The following VPS13B variants were observed in gnomAD, a reference collection of about 807,000 sequenced individuals.
VPS13B encodes vacuolar protein sorting 13 homolog B, also known as intermembrane lipid transfer protein VPS13B.
A neutral mutation model predicts 426.4 loss-of-function variants in VPS13B; 285 were observed. That is an observed-to-expected ratio of 0.67 (90% CI 0.61 to 0.74). The LOEUF is 0.74. VPS13B is among the 30% of genes least tolerant of loss of function. VPS13B has a pLI of 0.00. For synonymous variants in VPS13B, 1,676 were observed against 1,676.4 expected (o/e 1.00, Z 0.01); for missense variants, 4,537 against 4,782.6 (o/e 0.95, Z 1.51).
chr8:99,594,186 C>T (rs1826869036), intron 33 of VPS13B, among the ~76,000 whole-genome samples: 3 of 151,574 alleles, frequency 2.0e-5, no homozygotes, highest in Admixed American at 2.0e-4. Flanking sequence ...ATATGAGTCT[C>T]GGGGGACATG....
chr8:99,767,905 G>T (rs1367682997), intron 40 of VPS13B, among the ~76,000 whole-genome samples: 2 of 151,888 alleles, frequency 1.3e-5, no homozygotes, highest in South Asian at 2.1e-4. Context: ...CTCCAGCCTG[G>T]GTGACAAAGC....
At chr8:99,761,430 G>A (rs1563904634) in intron 39 of VPS13B, among the ~76,000 whole-genome samples, 1 of 152,136 alleles carries the variant, frequency 6.6e-6, no homozygotes, top group Admixed American at 6.5e-5. Context: ...ATTGCCCCTA[G>A]GCTACCTAAT....
At chr8:99,725,429 G>A (rs1278732698) in intron 39 of VPS13B, among the ~76,000 whole-genome samples, 4 of 152,166 alleles carry the variant, frequency 2.6e-5, no homozygotes, top group South Asian at 2.1e-4. Context: ...TGTGAACTGC[G>A]CATGTGAGGG....
chr8:99,717,404 A>C lies in VPS13B; in HGVS notation c.6657+31A>C. On this transcript the variant is annotated intron_variant, in intron 37 of 61. Transcript: ENST00000357162. ...TGGGTATTGGCCATATTTTTTTCAT[A>C]GGTTATTAACTAGCCTCTGTTCATT... 1.9e-6 allele frequency: 3 copies of C among 1,585,454 alleles called. No individual in the cohort carries two copies. The South Asian group carries it at 3.3e-5, about 18-fold the overall frequency.
At chr8:99,848,071 C>A (rs1802999549) in intron 54 of VPS13B, among the ~76,000 whole-genome samples, 1 of 152,086 alleles carries the variant, frequency 6.6e-6, no homozygotes. Flanking sequence ...TTTTAAATAG[C>A]CCTGTTCTGT....
At chr8:99,463,348 A>T (rs1313955262) in intron 23 of VPS13B, among the ~76,000 whole-genome samples, 1 of 152,216 alleles carries the variant, frequency 6.6e-6, no homozygotes, top group African/African-American at 2.4e-5. Context: ...TTCAGAAGTA[A>T]ATAATAGTTT....
intron 36 of VPS13B, among the ~76,000 whole-genome samples, chr8:99,714,188 C>T (rs1242134359): frequency 6.6e-6 from 1 of 151,102 alleles, no homozygotes; most frequent in Non-Finnish European, 1.5e-5. Flanking sequence ...ACACAGGGAC[C>T]ATCTTAAAGG....
At chr8:99,507,695 C>T (rs1251424404) in intron 28 of VPS13B, 1 of 1,599,798 alleles carries the variant, frequency 6.3e-7, no homozygotes, top group African/African-American at 1.3e-5. Flanking sequence ...TTAAAACTAT[C>T]CAGATATTTT....
At chr8:99,494,760 G>A (rs1437954158) in intron 25 of VPS13B, among the ~76,000 whole-genome samples, 1 of 151,886 alleles carries the variant, frequency 6.6e-6, no homozygotes, top group Non-Finnish European at 1.5e-5. Flanking sequence ...GAAAATATTA[G>A]ACAATATTTT....
At chr8:99,359,473 G>A (rs1812374368) in intron 19 of VPS13B, among the ~76,000 whole-genome samples, 1 of 151,928 alleles carries the variant, frequency 6.6e-6, no homozygotes, top group African/African-American at 2.4e-5. Context: ...GCTAAGAATC[G>A]TAAGTAATGC....
chr8:99,282,270 G>A (rs1819210004), intron 19 of VPS13B, among the ~76,000 whole-genome samples: 1 of 152,114 alleles, frequency 6.6e-6, no homozygotes, highest in Admixed American at 6.6e-5. Flanking sequence ...TCTTCAGATT[G>A]TCAAACTGAC....
At chr8:99,480,064 T>C (rs1206804874) in intron 24 of VPS13B, among the ~76,000 whole-genome samples, 1 of 152,214 alleles carries the variant, frequency 6.6e-6, no homozygotes, top group African/African-American at 2.4e-5. Flanking sequence ...GTTAGGCTTT[T>C]TAATTTTAGA....
intron 31 of VPS13B, among the ~76,000 whole-genome samples, chr8:99,573,325 TG>T (rs1005195018): frequency 1.3e-5 from 2 of 152,234 alleles, no homozygotes; most frequent in African/African-American, 4.8e-5. Context: ...TTGTCAATTT[TG>T]GCTTTTGTTG....
rs1387209927 is a variant in VPS13B at position 99,480,794 on chromosome 8, C to T, written c.3667-805C>T. On this transcript the variant is annotated intron_variant, in intron 24 of 61. Transcript: ENST00000357162. ...TTCATCATCTGGATGTGTCCTGGGGCTGAAACTTTTTATAAATACGAGAAT... is the reference window on the plus strand; with the variant it reads ...TTCATCATCTGGATGTGTCCTGGGGTTGAAACTTTTTATAAATACGAGAAT... Among the ~76,000 whole-genome samples, 4 of 152,104 alleles carry T rather than the reference C, an allele frequency of 2.6e-5. No homozygotes were observed. The South Asian group carries it at 6.2e-4, about 24-fold the overall frequency.
At chr8:99,209,506 A>G (rs1814942284) in intron 17 of VPS13B, 1 of 169,478 alleles carries the variant, frequency 5.9e-6, no homozygotes, top group Non-Finnish European at 1.3e-5. Context: ...GTAAGTATAT[A>G]GCTTCTTTAC....
intron 33 of VPS13B, among the ~76,000 whole-genome samples, chr8:99,630,678 A>AG (rs1828810004): frequency 7.0e-6 from 1 of 143,466 alleles, no homozygotes; most frequent in South Asian, 2.2e-4. Context: ...GTGATAATGT[A>AG]GGGGAAAAAA....
chr8:99,278,326 T>G (rs1295272806), intron 19 of VPS13B, among the ~76,000 whole-genome samples: 2 of 152,162 alleles, frequency 1.3e-5, no homozygotes, highest in Non-Finnish European at 2.9e-5. Flanking sequence ...GACTGTGATT[T>G]GAGAATGTGA....
chr8:99,860,814 T>C (rs943153343), intron 57 of VPS13B, among the ~76,000 whole-genome samples: 1 of 152,238 alleles, frequency 6.6e-6, no homozygotes, highest in South Asian at 2.1e-4. Context: ...AATGCTGAAA[T>C]AGCCCTTCTT....
At chr8:99,305,955 T>C (rs1820613877) in intron 19 of VPS13B, among the ~76,000 whole-genome samples, 1 of 152,160 alleles carries the variant, frequency 6.6e-6, no homozygotes, top group African/African-American at 2.4e-5. Flanking sequence ...AAATTGCCTG[T>C]TTCTCACTTA....
Sources: allele counts gnomAD v4.1 joint callset (sites outside exome capture counted in the v4.1 genomes callset), GRCh38; gene constraint gnomAD v4.1.1; transcripts MANE v1.5; gene names NCBI Gene and HGNC (gene_info 2026-07-23, HGNC 2026-07-21).